CPAMD8: variants seen among roughly 807,000 people sequenced by gnomAD.
CPAMD8 encodes C3 and PZP like alpha-2-macroglobulin domain containing 8, also known as C3 and PZP-like alpha-2-macroglobulin domain-containing protein 8.
CPAMD8 carries 146 observed loss-of-function variants against 224.7 expected under a neutral mutation model. The ratio of observed to expected loss-of-function variants is 0.65; its 90% CI spans 0.57 to 0.75. The LOEUF (loss-of-function observed/expected upper bound fraction) is 0.75. Ranked by LOEUF, CPAMD8 falls within the 30% of genes least tolerant of loss-of-function variation. CPAMD8 has a pLI of 0.00. For synonymous variants in CPAMD8, 966 were observed against 1,044.6 expected (o/e 0.92, Z 1.45); for missense variants, 2,301 against 2,537.5 (o/e 0.91, Z 2.00).
intron 18 of CPAMD8, among the ~76,000 whole-genome samples, chr19:16,961,034 T>C (rs540042563): frequency 1.0e-3 from 153 of 152,074 alleles, no homozygotes; most frequent in African/African-American, 3.4e-3. Flanking sequence ...TAAAAAAATA[T>C]GTTGGGGCTA....
At chr19:17,020,441 T>C (rs2056925293) in intron 2 of CPAMD8, 88 bp from the exon 3 acceptor site, 52 of 976,676 alleles carry the variant, frequency 5.3e-5, no homozygotes, top group South Asian at 5.2e-4. Flanking sequence ...CCACAAACTT[T>C]CTTAACCCAA....
intron 25 of CPAMD8, 139 bp from the exon 26 acceptor site, chr19:16,925,511 C>T (rs771114688): frequency 3.1e-6 from 2 of 645,128 alleles, no homozygotes; most frequent in Non-Finnish European, 5.6e-6. Context: ...GCACCCTCTG[C>T]CTGCTCAGAC....
chr19:17,024,068 T>C (rs971541044), intron 1 of CPAMD8, among the ~76,000 whole-genome samples: 1 of 152,204 alleles, frequency 6.6e-6, no homozygotes, highest in Non-Finnish European at 1.5e-5. Context: ...AGGCAAAGAT[T>C]TCTTGAGTAA....
intron 21 of CPAMD8, 93 bp from the exon 22 acceptor site, chr19:16,945,772 C>T: frequency 8.6e-7 from 1 of 1,167,592 alleles, no homozygotes; most frequent in Non-Finnish European, 1.3e-6. Context: ...TGTGTGCATG[C>T]ATGCATGTGT....
In CPAMD8 at chr19:16,909,082, C is replaced by T. The variant is rs535652978; in HGVS notation, c.3862-1965G>A. Among the ~76,000 whole-genome samples, 48 of 152,264 alleles carry T rather than the reference C, an allele frequency of 3.2e-4. No individual in the cohort carries two copies. In the South Asian group the frequency reaches 9.7e-3, roughly 31 times the overall value. On this transcript the variant is annotated intron_variant, in intron 29 of 41. Transcript: ENST00000443236. ...GGTTGCCCCCCAGCTCATCTGATTC[C>T]AGCACAGGTGTAGCGGGTTGAACGG... is the stretch of plus-strand genomic sequence containing the variant.
At chr19:16,982,935 C>T (rs2055567051) in intron 13 of CPAMD8, among the ~76,000 whole-genome samples, 1 of 152,126 alleles carries the variant, frequency 6.6e-6, no homozygotes, top group African/African-American at 2.4e-5. Flanking sequence ...ACAGTTTCCC[C>T]AATACAGTTC....
chr19:16,898,932 G>A lies in CPAMD8; in HGVS notation c.4848+543C>T, dbSNP rs975524808. Reference sequence around the variant, plus strand: ...TCTTATTTTTTTTTGTTTTTTTTTAGACAAGGTCTTGCAGGTCTTGCTCTG... The same window carrying A: ...TCTTATTTTTTTTTGTTTTTTTTTAAACAAGGTCTTGCAGGTCTTGCTCTG... On this transcript the variant is annotated intron_variant, in intron 37 of 41. Coordinates refer to ENST00000443236, the MANE Select transcript of CPAMD8 (RefSeq NM_015692.5). This position sits in a 1 kb window ranked among gnomAD's most constrained non-coding sequence, Gnocchi z 4.2. 6.6e-6 allele frequency among the ~76,000 whole-genome samples: 1 copy of A among 150,512 alleles called. No homozygotes were observed. Among genetic ancestry groups the A allele is most frequent in the Non-Finnish European group, 1.5e-5 (1 of 67,826 alleles).
Position 16,925,184 on chromosome 19 carries a change from C to A in CPAMD8, c.3547+12G>T, listed in dbSNP as rs1272985864. 1.9e-6 allele frequency: 3 copies of A among 1,613,296 alleles called. No homozygotes were observed. In the Admixed American group the frequency reaches 5.0e-5, roughly 27 times the overall value. On this transcript the variant is annotated intron_variant, in intron 26 of 41. Coordinates refer to ENST00000443236, the MANE Select transcript of CPAMD8 (RefSeq NM_015692.5). The stretch of plus-strand genomic sequence containing the variant: ...TGCTCCCACCTCAACCCAGGCACTT[C>A]TTCCCCAATACCTTGTACTAGGTAG...
intron 17 of CPAMD8, among the ~76,000 whole-genome samples, chr19:16,973,612 G>T (rs1281197882): frequency 6.6e-6 from 1 of 152,004 alleles, no homozygotes; most frequent in Middle Eastern, 3.2e-3. Flanking sequence ...GCCTCCCAAA[G>T]TGCTGGGATT....
rs1369072636 is a variant in CPAMD8 at position 16,986,691 on chromosome 19, C to T, written c.1395+2952G>A. On this transcript the variant is annotated intron_variant, in intron 13 of 41. Transcript: ENST00000443236. ...TGAGAGGTTTATGGGCTGGTAGGGC[C>T]CTGGGCGCTGTGATGGCAACTGGTT... 3.3e-5 allele frequency among the ~76,000 whole-genome samples: 5 copies of T among 152,018 alleles called. No homozygotes were observed. The East Asian group carries it at 9.7e-4, about 30-fold the overall frequency.
At position 16,938,394 on chromosome 19, in the gene CPAMD8, C is replaced by T; in HGVS notation, c.2845+1G>A. On this transcript the variant is annotated splice_donor_variant, in intron 23 of 41. Transcript: ENST00000443236. LOFTEE classifies it high-confidence loss of function. ...TAGCAGAATGGGCACGGGGGACTCA[C>T]CACTGGGACAGAAGAATGCGCTGTA... 3 of 1,547,588 alleles carry T rather than the reference C, an allele frequency of 1.9e-6. No individual in the cohort carries two copies. Among genetic ancestry groups the T allele is most frequent in the South Asian group, 2.4e-5 (2 of 82,560 alleles).
intron 23 of CPAMD8, among the ~76,000 whole-genome samples, chr19:16,934,912 G>A (rs2053641969): frequency 6.6e-6 from 1 of 151,980 alleles, no homozygotes; most frequent in Non-Finnish European, 1.5e-5. Flanking sequence ...CCCATTTCAA[G>A]AACTCTTTTC....
intron 11 of CPAMD8, among the ~76,000 whole-genome samples, chr19:16,995,256 C>T (rs535691918): frequency 2.6e-5 from 4 of 152,276 alleles, no homozygotes; most frequent in East Asian, 3.9e-4. Context: ...CACTCATGGA[C>T]GGCAAAAGGG....
chr19:16,947,987 C>T (rs1441513060), intron 20 of CPAMD8, among the ~76,000 whole-genome samples: 1 of 152,120 alleles, frequency 6.6e-6, no homozygotes, highest in Non-Finnish European at 1.5e-5. Flanking sequence ...TGTACATGTG[C>T]ATATGTATAC....
At chr19:16,903,508 A>T (rs2052343360) in intron 34 of CPAMD8, 53 bp downstream of exon 34, 1 of 1,611,090 alleles carries the variant, frequency 6.2e-7, no homozygotes, top group Admixed American at 1.7e-5. Context: ...ATTGGAGGGA[A>T]TGGGGCACAG....
Position 16,945,599 on chromosome 19 carries a change from T to C in CPAMD8, c.2743A>G (p.Arg915Gly). ...SKHPEENHAD[R>G]RVPIGVDHVR... ...TGATCCACCCCGATGGGGACCCTCC[T>C]GTCGGCGTGATTCTCCTCAGGGTGT... The change falls in exon 22 of 42, where the codon AGG becomes GGG. Residue 915 changes from arginine (R) to glycine (G), a missense_variant. Transcript: ENST00000443236. 1 of 1,614,214 alleles carries C rather than the reference T, an allele frequency of 6.2e-7. No individual in the cohort carries two copies. Among genetic ancestry groups the C allele is most frequent in the Non-Finnish European group, 8.5e-7 (1 of 1,180,012 alleles).
In CPAMD8 at chr19:17,011,653, G is replaced by A. The variant is rs56266450; in HGVS notation, c.372C>T (p.Asp124=). The A allele has an allele frequency of 0.015, 24,050 of 1,614,006 alleles. 2,707 individuals carry two copies. The African/African-American group carries it at 0.26, about 18-fold the overall frequency. ...GGATGAATACAGAAGCGCCCCGGCC[G>A]TCCACGGTCACCGAGGTCTGGTTGT... The part of the protein sequence containing the change: ...LFHNQTSVTV[D]GRGASVFIQT... Residue 124 remains aspartate (D), a synonymous_variant, in exon 4 of 42, where the codon GAC becomes GAT. Transcript: ENST00000443236.
chr19:16,993,251 T>C (rs1015351086), intron 12 of CPAMD8, among the ~76,000 whole-genome samples, 165 bp downstream of exon 12: 1 of 152,164 alleles, frequency 6.6e-6, no homozygotes, highest in Non-Finnish European at 1.5e-5. Flanking sequence ...TTCCACCTGA[T>C]CCCAGGATGG....
chr19:16,925,984 C>T (rs1337344341), intron 25 of CPAMD8, among the ~76,000 whole-genome samples: 2 of 152,054 alleles, frequency 1.3e-5, no homozygotes, highest in African/African-American at 4.8e-5. Flanking sequence ...TGGTCTTGAA[C>T]TCCTGACCTC....
Sources: allele counts gnomAD v4.1 joint callset (sites outside exome capture counted in the v4.1 genomes callset), GRCh38; gene constraint gnomAD v4.1.1; non-coding constraint Gnocchi (gnomAD v3.1); transcripts MANE v1.5; gene names NCBI Gene and HGNC (gene_info 2026-07-23, HGNC 2026-07-21).